The following POF1B variants were observed in gnomAD, a reference collection of about 807,000 sequenced individuals.
POF1B encodes POF1B actin binding protein.
POF1B carries 53 observed loss-of-function variants against 55.3 expected under a neutral mutation model. The ratio of observed to expected loss-of-function variants is 0.96; its 90% CI spans 0.77 to 1.20. The LOEUF (loss-of-function observed/expected upper bound fraction) is 1.20. Among genes scored for constraint, POF1B ranks in the 50% most tolerant of loss-of-function variants. The pLI, the probability that POF1B is intolerant of heterozygous loss-of-function variation, is 0.00. For missense variants in POF1B, 478 were observed against 420.5 expected (o/e 1.14, Z -1.20); for synonymous variants, 188 against 148.3 (o/e 1.27, Z -1.95).
chrX:85,372,885 G>T (rs1933856615), intron 2 of POF1B, among the ~76,000 whole-genome samples: 1 of 107,491 alleles, frequency 9.3e-6, no homozygotes, highest in African/African-American at 3.4e-5. Flanking sequence ...AAATGTCTCA[G>T]TTATTTACTT....
intron 15 of POF1B, among the ~76,000 whole-genome samples, chrX:85,283,215 T>C (rs185448882): frequency 1.3e-4 from 15 of 111,386 alleles, no homozygotes; most frequent in Admixed American, 1.9e-4. Context: ...AAATGAATAG[T>C]CATGCAATGG....
intron 15 of POF1B, among the ~76,000 whole-genome samples, chrX:85,299,191 CTTTTTTT>C (rs765012797): frequency 1.3e-4 from 10 of 74,885 alleles, no homozygotes; most frequent in Non-Finnish European, 2.3e-4. Context: ...CTTTTTTTTT[CTTTTTTT>C]TTTTTTTTTT....
At chrX:85,292,166 A>G (rs555328458) in intron 15 of POF1B, among the ~76,000 whole-genome samples, 1 of 111,434 alleles carries the variant, frequency 9.0e-6, no homozygotes, top group Middle Eastern at 4.6e-3. Context: ...ATTTTATAGA[A>G]AGCCTTTTCT....
intron 16 of POF1B, among the ~76,000 whole-genome samples, chrX:85,279,813 G>A (rs887772860): frequency 1.8e-5 from 2 of 110,935 alleles, no homozygotes; most frequent in African/African-American, 6.5e-5. Context: ...TTTTACTGCT[G>A]CACATTTTTA....
chrX:85,367,082 C>T (rs1933737059), intron 3 of POF1B, among the ~76,000 whole-genome samples: 1 of 111,134 alleles, frequency 9.0e-6, no homozygotes, highest in African/African-American at 3.3e-5. Context: ...ACTCCTCTTT[C>T]GTGTAACAAC....
intron 6 of POF1B, among the ~76,000 whole-genome samples, chrX:85,336,560 G>T (rs189434608): frequency 9.0e-6 from 1 of 111,307 alleles, no homozygotes. Context: ...GATGATCAAT[G>T]ATGTTGAGCA....
chrX:85,350,305 T>C (rs1053501727), intron 5 of POF1B, among the ~76,000 whole-genome samples: 3 of 109,983 alleles, frequency 2.7e-5, no homozygotes, highest in Non-Finnish European at 5.7e-5. Context: ...GTTCTTGCGA[T>C]AGTTTACTGA....
chrX:85,338,639 A>G (rs1933117272), intron 6 of POF1B, among the ~76,000 whole-genome samples: 1 of 111,737 alleles, frequency 8.9e-6, no homozygotes. Flanking sequence ...ATTCTGCAAC[A>G]AGGGCCTAAC....
intron 7 of POF1B, among the ~76,000 whole-genome samples, chrX:85,327,601 A>G (rs1357276967): frequency 1.8e-5 from 2 of 112,251 alleles, no homozygotes; most frequent in African/African-American, 3.2e-5. Flanking sequence ...GGGCCTAGCA[A>G]AAGTAGAAAT....
chrX:85,338,988 T>G (rs1300716251), intron 6 of POF1B, among the ~76,000 whole-genome samples: 1 of 109,147 alleles, frequency 9.2e-6, no homozygotes, highest in Non-Finnish European at 1.9e-5. Flanking sequence ...GTAGCAAAAG[T>G]CAAGATTTTA....
Position 85,279,228 on chromosome X carries a change from G to T in POF1B, c.*193C>A, listed in dbSNP as rs186686442. The T allele has an allele frequency of 2.0e-4, 80 of 407,678 alleles. No homozygotes were observed. The highest frequency in any genetic ancestry group is 1.6e-3 in the South Asian group (31 of 19,410). 33.6% of individuals were successfully genotyped at this position (407,678 alleles called of 1,213,427 possible). A position where few individuals can be genotyped will look rare whatever the true frequency, so the allele number is the denominator to read the frequency against. On this transcript the variant is annotated 3_prime_UTR_variant, in exon 17 of 17. Transcript: ENST00000262753. ...CTGAATACATGAGTGTTATGGAAAA[G>T]ATTTAGGTCTCATAAATGGGTGAAG...
intron 15 of POF1B, among the ~76,000 whole-genome samples, chrX:85,289,781 A>G (rs1334057827): frequency 9.0e-6 from 1 of 111,400 alleles, no homozygotes; most frequent in Non-Finnish European, 1.9e-5. Context: ...AATCAGGCAA[A>G]CAACCCCTAG....
At chrX:85,378,662 C>G (rs910896135) in intron 2 of POF1B, among the ~76,000 whole-genome samples, 1 of 111,775 alleles carries the variant, frequency 8.9e-6, no homozygotes, top group Admixed American at 9.5e-5. Flanking sequence ...GAAGATGAAA[C>G]ACATATGACA....
At chrX:85,351,308 T>G in intron 5 of POF1B, 42 bp downstream of exon 5, 1 of 952,965 alleles carries the variant, frequency 1.0e-6, no homozygotes, top group Non-Finnish European at 1.5e-6. Context: ...CAATTCAAAA[T>G]TATACACTTA....
chrX:85,300,314 G>T (rs1932415671), intron 15 of POF1B, among the ~76,000 whole-genome samples: 1 of 111,596 alleles, frequency 9.0e-6, no homozygotes, highest in African/African-American at 3.3e-5. Flanking sequence ...GGCTAAGGAC[G>T]AGCTATAAAT....
chrX:85,302,295 T>G (rs942900198), intron 15 of POF1B, among the ~76,000 whole-genome samples: 1 of 111,282 alleles, frequency 9.0e-6, no homozygotes, highest in Non-Finnish European at 1.9e-5. Flanking sequence ...GAATGGACAT[T>G]TCTTCAAACA....
At chrX:85,346,177 T>C in intron 5 of POF1B, 135 bp from the exon 6 acceptor site, 1 of 479,992 alleles carries the variant, frequency 2.1e-6, no homozygotes, top group Non-Finnish European at 3.1e-6. Context: ...TAGATTTAAC[T>C]AGTGATATTT....
intron 5 of POF1B, among the ~76,000 whole-genome samples, chrX:85,349,131 T>C (rs886809451): frequency 9.0e-6 from 1 of 111,111 alleles, no homozygotes; most frequent in Non-Finnish European, 1.9e-5. Flanking sequence ...CCCTTCAGAC[T>C]ATATCCCAGC....
At chrX:85,323,194 C>T (rs1932858452) in intron 7 of POF1B, among the ~76,000 whole-genome samples, 1 of 111,460 alleles carries the variant, frequency 9.0e-6, no homozygotes, top group Non-Finnish European at 1.9e-5. Context: ...TGGAACCAAG[C>T]CAAATGTCCA....
Sources: allele counts gnomAD v4.1 joint callset (sites outside exome capture counted in the v4.1 genomes callset), GRCh38; gene constraint gnomAD v4.1.1; transcripts MANE v1.5; gene names NCBI Gene and HGNC (gene_info 2026-07-23, HGNC 2026-07-21).